Variants in ITCH observed in about 807,000 individuals in gnomAD.
ITCH encodes itchy E3 ubiquitin protein ligase.
In ITCH, 28 loss-of-function variants were observed where a neutral mutation model predicts 126.8. The observed-to-expected ratio is 0.22, with a 90% CI of 0.16 to 0.30. ITCH has a LOEUF of 0.30. Among genes scored for constraint, ITCH ranks in the 10% least tolerant of loss-of-function variants. The pLI is 1.00. For synonymous variants in ITCH, 342 were observed against 340.0 expected, an observed-to-expected ratio of 1.01 and a Z score of -0.06; for missense variants, 631 against 1,032.4, an observed-to-expected ratio of 0.61 and a Z score of 5.33.
At chr20:34,402,786 T>C (rs541869114) in intron 3 of ITCH, 99 of 236,776 alleles carry the variant, frequency 4.2e-4, no homozygotes, top group African/African-American at 2.1e-3. Context: ...TCTGTGTTTT[T>C]TATTTGATGT....
At chr20:34,414,332 T>G (rs1217246799) in intron 6 of ITCH, among the ~76,000 whole-genome samples, 1 of 152,118 alleles carries the variant, frequency 6.6e-6, no homozygotes, top group Non-Finnish European at 1.5e-5. Flanking sequence ...TTATATAGTA[T>G]TTATTCTGTA....
intron 16 of ITCH, 34 bp from the exon 17 acceptor site, chr20:34,477,735 CTTT>C (rs1568986996): frequency 6.3e-7 from 1 of 1,599,646 alleles, no homozygotes. Context: ...GTTTCAATAG[CTTT>C]TTTCACCAAT....
At chr20:34,370,022 T>TTGAGCCAGGAGGTTGAGGCTGCAG (rs1315963122) in intron 2 of ITCH, among the ~76,000 whole-genome samples, 37 of 151,662 alleles carry the variant, frequency 2.4e-4, no homozygotes, top group Non-Finnish European at 5.0e-4. Context: ...GGAGGATCAC[T>TTGAGCCAGGAGGTTGAGGCTGCAG]TGAGCCAGGA....
At chr20:34,501,777 CAA>C (rs11480340) in intron 23 of ITCH, among the ~76,000 whole-genome samples, 4 of 104,506 alleles carry the variant, frequency 3.8e-5, no homozygotes, top group African/African-American at 8.0e-5. Flanking sequence ...CTCCATCTCT[CAA>C]AAAAAAAAAA....
intron 2 of ITCH, among the ~76,000 whole-genome samples, chr20:34,379,526 T>C (rs899028229): frequency 2.7e-5 from 4 of 150,206 alleles, no homozygotes; most frequent in Non-Finnish European, 6.0e-5. Context: ...ACTATTCTGT[T>C]TTCTGTCTCT....
At chr20:34,424,119 G>C (rs771575732) in intron 6 of ITCH, among the ~76,000 whole-genome samples, 1 of 152,004 alleles carries the variant, frequency 6.6e-6, no homozygotes, top group African/African-American at 2.4e-5. Context: ...TTCTGCTGGC[G>C]ATCAGCACTT....
intron 17 of ITCH, 65 bp from the exon 18 acceptor site, chr20:34,479,565 G>GCACT: frequency 7.4e-7 from 1 of 1,359,924 alleles, no homozygotes; most frequent in Non-Finnish European, 1.0e-6. Flanking sequence ...GAACTTTATA[G>GCACT]CACTGTTCTT....
At chr20:34,502,235 C>T (rs2146557803) in intron 23 of ITCH, among the ~76,000 whole-genome samples, 1 of 151,994 alleles carries the variant, frequency 6.6e-6, no homozygotes, top group South Asian at 2.1e-4. Context: ...GTTAAATATG[C>T]TGCTAGGTAT....
At chr20:34,457,504 C>A in intron 13 of ITCH, 30 bp downstream of exon 13, 1 of 1,390,962 alleles carries the variant, frequency 7.2e-7, no homozygotes, top group Non-Finnish European at 1.0e-6. Context: ...TATATTTAAT[C>A]TCTTAAAGAT....
intron 4 of ITCH, among the ~76,000 whole-genome samples, chr20:34,410,008 TC>T (rs1978756510): frequency 6.6e-6 from 1 of 150,606 alleles, no homozygotes; most frequent in South Asian, 2.1e-4. Flanking sequence ...GCTACTGAAC[TC>T]TAGCCTGGGC....
chr20:34,468,616 C>A (rs1177819698), intron 14 of ITCH, among the ~76,000 whole-genome samples: 1 of 151,728 alleles, frequency 6.6e-6, no homozygotes, highest in Non-Finnish European at 1.5e-5. Flanking sequence ...CATGGCTAAA[C>A]CCCGTCTCTA....
chr20:34,456,830 C>T (rs1019396223), intron 12 of ITCH, among the ~76,000 whole-genome samples: 1 of 151,522 alleles, frequency 6.6e-6, no homozygotes, highest in Non-Finnish European at 1.5e-5. Context: ...AATCTACTTG[C>T]CTTGGCCTCC....
chr20:34,393,639 G>A, intron 2 of ITCH, 152 bp from the exon 3 acceptor site: 1 of 674,326 alleles, frequency 1.5e-6, no homozygotes, highest in Admixed American at 2.2e-5. Context: ...CAATAAGTTA[G>A]GTAGGATAAA....
At chr20:34,473,093 A>C (rs1311925410) in intron 16 of ITCH, among the ~76,000 whole-genome samples, 1 of 152,246 alleles carries the variant, frequency 6.6e-6, no homozygotes, top group Non-Finnish European at 1.5e-5. Flanking sequence ...GACATCCATC[A>C]AATAACTGGT....
chr20:34,413,566 C>G (rs903794619), intron 5 of ITCH, among the ~76,000 whole-genome samples, 176 bp from the exon 6 acceptor site: 21 of 152,014 alleles, frequency 1.4e-4, no homozygotes, highest in African/African-American at 4.6e-4. Context: ...TTAAAAGATA[C>G]AGTGTTTTGG....
At chr20:34,393,717 C>T in intron 2 of ITCH, 74 bp from the exon 3 acceptor site, 2 of 877,606 alleles carry the variant, frequency 2.3e-6, no homozygotes. Context: ...TAATAAATAG[C>T]CAGGTTAGCA....
intron 6 of ITCH, among the ~76,000 whole-genome samples, chr20:34,423,305 A>G (rs759647604): frequency 9.9e-5 from 15 of 152,230 alleles, no homozygotes; most frequent in Non-Finnish European, 1.6e-4. Flanking sequence ...CATACTATTT[A>G]AAGATAATAT....
At chr20:34,427,067 C>T (rs1446834196) in intron 7 of ITCH, among the ~76,000 whole-genome samples, 1 of 152,290 alleles carries the variant, frequency 6.6e-6, no homozygotes, top group Non-Finnish European at 1.5e-5. Flanking sequence ...AGCCACTGCA[C>T]CTGGCCAATA....
chr20:34,504,523 A>G, intron 24 of ITCH, 120 bp downstream of exon 24: 2 of 721,038 alleles, frequency 2.8e-6, no homozygotes, highest in Non-Finnish European at 5.0e-6. Context: ...CAGCCATCAT[A>G]GCAATCCAGT....
Sources: allele counts gnomAD v4.1 joint callset (sites outside exome capture counted in the v4.1 genomes callset), GRCh38; gene constraint gnomAD v4.1.1; transcripts MANE v1.5; gene names NCBI Gene and HGNC (gene_info 2026-07-23, HGNC 2026-07-21).